Variants in KLHL7 observed in about 807,000 individuals in gnomAD.
KLHL7 encodes the protein kelch like family member 7, also known as kelch-like protein 7.
KLHL7 carries 44 observed loss-of-function variants against 67.4 expected under a neutral mutation model. That is an observed-to-expected ratio of 0.65 (90% CI 0.51 to 0.84). KLHL7 has a LOEUF of 0.84. KLHL7 is among the 40% of genes least tolerant of loss of function. The pLI is 0.00. For synonymous variants in KLHL7, 252 were observed against 243.3 expected (o/e 1.04, Z -0.33); for missense variants, 362 against 718.1 (o/e 0.50, Z 5.67).
At chr7:23,171,138 C>CTTG (rs1240110801) in intron 9 of KLHL7, 1 of 338,424 alleles carries the variant, frequency 3.0e-6, no homozygotes, top group African/African-American at 2.2e-5. Flanking sequence ...ATCTCTTGAC[C>CTTG]TTGTGATCTG....
rs151167348 is a variant in KLHL7, at chr7:23,174,888, A to G, written c.*590A>G. 15 of 454,568 alleles carry G rather than the reference A, an allele frequency of 3.3e-5. No individual in the cohort carries two copies. The East Asian group carries it at 1.0e-3, about 32-fold the overall frequency. 28.2% of individuals were successfully genotyped at this position (454,568 alleles called of 1,614,324 possible). ...TCCTAAACAGATTTGGGGGTTTAAT[A>G]TGTCCAACTCCTCATGAAATATATT... is the stretch of plus-strand genomic sequence containing the variant. On this transcript the variant is annotated 3_prime_UTR_variant, in exon 11 of 11. Transcript: ENST00000339077.
intron 7 of KLHL7, among the ~76,000 whole-genome samples, chr7:23,153,264 T>C (rs1314567751): frequency 6.6e-6 from 1 of 152,316 alleles, no homozygotes; most frequent in East Asian, 1.9e-4. Context: ...TATTGGCTAT[T>C]ACTATCAAAA....
intron 4 of KLHL7, among the ~76,000 whole-genome samples, chr7:23,130,018 T>C (rs1253615488): frequency 6.6e-6 from 1 of 152,220 alleles, no homozygotes. Context: ...TGGATACTAA[T>C]GATGTGCCAG....
chr7:23,172,996 G>C lies in KLHL7; in HGVS notation c.1428G>C (p.Leu476=). 1.2e-6 allele frequency: 2 copies of C among 1,613,770 alleles called. No individual in the cohort carries two copies. The highest frequency in any genetic ancestry group is 8.5e-7 in the Non-Finnish European group (1 of 1,179,794). ...TTGAAGCCAGGAAGAATCATGGGCT[G>C]GTATTTGTAAAAGACAAGATATTTG... ...PMIEARKNHG[L]VFVKDKIFAV... Residue 476 remains leucine (L), a synonymous_variant, in exon 10 of 11, where the codon CTG becomes CTC. Transcript: ENST00000339077.
intron 1 of KLHL7, among the ~76,000 whole-genome samples, chr7:23,115,949 A>G (rs1783071089): frequency 6.6e-6 from 1 of 152,144 alleles, no homozygotes; most frequent in South Asian, 2.1e-4. Flanking sequence ...TCCATCCTGC[A>G]CATTTAAAGC....
intron 1 of KLHL7, among the ~76,000 whole-genome samples, chr7:23,108,757 T>A (rs538921679): frequency 1.3e-5 from 2 of 152,360 alleles, no homozygotes; most frequent in Admixed American, 1.3e-4. Flanking sequence ...AGTGGGTTTT[T>A]CCTGTGTTTG....
chr7:23,137,313 G>A (rs550207129), intron 4 of KLHL7, among the ~76,000 whole-genome samples: 2 of 152,008 alleles, frequency 1.3e-5, no homozygotes, highest in East Asian at 3.9e-4. Flanking sequence ...TAATAAAGCA[G>A]AGAAATAAAA....
Position 23,163,552 on chromosome 7 carries a change from G to T in KLHL7, c.937-2146G>T, listed in dbSNP as rs536826119. Among the ~76,000 whole-genome samples the T allele has an allele frequency of 3.3e-5, 5 of 152,288 alleles. No homozygotes were observed. In the South Asian group the frequency reaches 6.2e-4, roughly 19 times the overall value. ...CACATAGGGCAAGATACAATGGAGT[G>T]TTCAGTCATCAAGCCTGGACTTCAA... is the stretch of plus-strand genomic sequence containing the variant. On this transcript the variant is annotated intron_variant, in intron 7 of 10. Transcript: ENST00000339077.
intron 9 of KLHL7, among the ~76,000 whole-genome samples, chr7:23,169,825 C>T (rs901962395): frequency 2.0e-4 from 31 of 152,058 alleles, no homozygotes; most frequent in Admixed American, 2.0e-4. Context: ...CTCTATGTTC[C>T]CTTCAATGCC....
chr7:23,161,183 A>C (rs6964671), intron 7 of KLHL7, among the ~76,000 whole-genome samples: 141,346 of 152,170 alleles, frequency 0.93, 65,789 homozygotes, highest in East Asian at 0.99. Flanking sequence ...CAAAGTGCCC[A>C]CAACGTCCAA....
In KLHL7 at chr7:23,143,517, A is replaced by C. The variant is rs375733766; in HGVS notation, c.619-334A>C. ...ACTAAACTAAATGAGTATATGTTGA[A>C]ACTTTTGTTGACTGATAGTTTTTTT... is the stretch of plus-strand genomic sequence containing the variant. On this transcript the variant is annotated intron_variant, in intron 5 of 10. Coordinates refer to ENST00000339077, the MANE Select transcript of KLHL7 (RefSeq NM_001031710.3). 3.9e-5 allele frequency among the ~76,000 whole-genome samples: 6 copies of C among 152,258 alleles called. No individual in the cohort carries two copies. In the South Asian group the frequency reaches 1.2e-3, roughly 32 times the overall value.
chr7:23,140,964 A>G lies in KLHL7; in HGVS notation c.618+20A>G. 3 of 1,604,612 alleles carry G rather than the reference A, an allele frequency of 1.9e-6. No individual in the cohort carries two copies. Among genetic ancestry groups the G allele is most frequent in the Non-Finnish European group, 2.6e-6 (3 of 1,171,988 alleles). ...GATCAGGTGACTAAATTGCCTTCTC[A>G]CATTTTTCTTAATAAAAATGTCTTT... On this transcript the variant is annotated intron_variant, in intron 5 of 10. Transcript: ENST00000339077.
chr7:23,126,934 A>G (rs781120103), intron 4 of KLHL7, among the ~76,000 whole-genome samples: 1 of 152,142 alleles, frequency 6.6e-6, no homozygotes, highest in Non-Finnish European at 1.5e-5. Context: ...TAAAAGGCCA[A>G]TCTCTAATCC....
chr7:23,160,483 G>T (rs1046882729), intron 7 of KLHL7, among the ~76,000 whole-genome samples: 2 of 152,188 alleles, frequency 1.3e-5, no homozygotes, highest in Non-Finnish European at 2.9e-5. Context: ...AAGCAGCAGT[G>T]ATTCTTAATA....
At chr7:23,167,771 G>A (rs1320539435) in intron 8 of KLHL7, 65 bp from the exon 9 acceptor site, 2 of 1,415,748 alleles carry the variant, frequency 1.4e-6, no homozygotes, top group African/African-American at 1.4e-5. Flanking sequence ...AAGATCTACA[G>A]TCAGTTCTTT....
intron 6 of KLHL7, among the ~76,000 whole-genome samples, chr7:23,145,520 C>G (rs1291737582): frequency 6.6e-6 from 1 of 152,044 alleles, no homozygotes; most frequent in Non-Finnish European, 1.5e-5. Context: ...TATTACAAAA[C>G]TGATAGATAA....
chr7:23,133,907 T>G (rs751148917), intron 4 of KLHL7, among the ~76,000 whole-genome samples: 1 of 152,206 alleles, frequency 6.6e-6, no homozygotes, highest in Non-Finnish European at 1.5e-5. Context: ...AAGGATAATT[T>G]TATTTCTTCC....
At chr7:23,113,985 G>A (rs369298784) in intron 1 of KLHL7, among the ~76,000 whole-genome samples, 2 of 152,060 alleles carry the variant, frequency 1.3e-5, no homozygotes, top group African/African-American at 2.4e-5. Context: ...TGAAAAGCAC[G>A]AATGTAAGAA....
rs1785287927 is a variant in KLHL7, at chr7:23,175,978, A to AAAAAAAG, written c.*1680_*1681insAAAAAAG. 6.7e-6 allele frequency: 1 copy of AAAAAAAG among 149,420 alleles called. No individual in the cohort carries two copies. The highest frequency in any genetic ancestry group is 2.5e-5 in the African/African-American group (1 of 40,458). 9.3% of individuals were successfully genotyped at this position (149,420 alleles called of 1,614,324 possible). The stretch of plus-strand genomic sequence containing the variant: ...TAAAAAAAAAAAAAAAAAAAAAAAA[A>AAAAAAAG]TGTATTATTCAGTGGTTTTTAATAT... On this transcript the variant is annotated 3_prime_UTR_variant, in exon 11 of 11. Coordinates refer to ENST00000339077, the MANE Select transcript of KLHL7 (RefSeq NM_001031710.3).
Sources: gnomAD v4.1 joint callset for allele counts (sites outside exome capture counted in the v4.1 genomes callset) on GRCh38, gnomAD v4.1.1 for gene constraint, MANE v1.5 for transcripts, NCBI Gene and HGNC (gene_info 2026-07-23, HGNC 2026-07-21) for gene names.